TJP3: variants seen among roughly 807,000 people sequenced by gnomAD.
The protein encoded by TJP3 is tight junction protein 3.
A neutral mutation model predicts 104.2 loss-of-function variants in TJP3; 85 were observed. The observed-to-expected ratio is 0.82, with a 90% CI of 0.68 to 0.98. The LOEUF is 0.98. Among genes scored for constraint, TJP3 ranks in the 50% least tolerant of loss-of-function variants. The pLI is 0.00. For missense variants in TJP3, 1,367 were observed against 1,322.8 expected (o/e 1.03, Z -0.52); for synonymous variants, 550 against 550.6 (o/e 1.00, Z 0.02).
chr19:3,717,238 T>G (rs1215239830), intron 1 of TJP3, among the ~76,000 whole-genome samples: 1 of 145,678 alleles, frequency 6.9e-6, no homozygotes, highest in African/African-American at 2.4e-5. Context: ...GTGCTGGGAT[T>G]ACAGGCACGA....
chr19:3,736,230 G>A lies in TJP3; in HGVS notation c.1193G>A (p.Gly398Glu). The A allele has an allele frequency of 6.3e-7, 1 of 1,590,770 alleles. No homozygotes were observed. Among genetic ancestry groups the A allele is most frequent in the Middle Eastern group, 1.7e-4 (1 of 5,972 alleles). The change falls in exon 11 of 21, where the codon GGG becomes GAG. Residue 398 changes from glycine (G) to glutamate (E), a missense_variant. Coordinates refer to ENST00000541714, the MANE Select transcript of TJP3 (RefSeq NM_001267560.2). ...AAGAGCATCGGGCTGCGGCTGGCAG[G>A]GGGCAATGACGTGGGCATCTTCGTG... The part of the protein sequence containing the change: ...KGKSIGLRLA[G>E]GNDVGIFVSG...
At position 3,746,700 on chromosome 19, in the gene TJP3, G is replaced by T. The variant is rs200556939; in HGVS notation, c.2221+5G>T. ...ACAGCAGCCACCTCTTCACAGGTTGGGGGGTGGGTGTCCCAGGGTAGGCGG... is the reference window on the plus strand; with the variant it reads ...ACAGCAGCCACCTCTTCACAGGTTGTGGGGTGGGTGTCCCAGGGTAGGCGG... On this transcript the variant is annotated splice_donor_5th_base_variant and intron_variant, in intron 17 of 20. Transcript: ENST00000541714. The surrounding 1 kb of genome is among the most constrained non-coding windows in gnomAD (Gnocchi z 4.1). 2.5e-6 allele frequency: 4 copies of T among 1,608,848 alleles called. No homozygotes were observed. The highest frequency in any genetic ancestry group is 1.3e-5 in the African/African-American group (1 of 75,004).
At position 3,716,964 on chromosome 19, in the gene TJP3, G is replaced by C. The variant is rs559798989; in HGVS notation, c.-10+8403G>C. Reference sequence around the variant, plus strand: ...CAGGCGGGTGCCAACACGCCCAGGTGACTTTTTTTTTTTTTTTTGAGACGG... The same window carrying C: ...CAGGCGGGTGCCAACACGCCCAGGTCACTTTTTTTTTTTTTTTTGAGACGG... On this transcript the variant is annotated intron_variant, in intron 1 of 20. Coordinates refer to ENST00000541714, the MANE Select transcript of TJP3 (RefSeq NM_001267560.2). Among the ~76,000 whole-genome samples, 81 of 111,162 alleles carry C rather than the reference G, an allele frequency of 7.3e-4. 3 individuals are homozygous for C. The highest frequency in any genetic ancestry group is 2.2e-3 in the African/African-American group (75 of 34,438). The allele number at this position is 111,162 out of a possible 152,430, so 72.9% of individuals were successfully genotyped here.
chr19:3,730,171 C>T lies in TJP3; in HGVS notation c.261+41C>T, dbSNP rs45580639. On this transcript the variant is annotated intron_variant, in intron 4 of 20. Coordinates refer to ENST00000541714, the MANE Select transcript of TJP3 (RefSeq NM_001267560.2). The surrounding 1 kb of genome is among the most constrained non-coding windows in gnomAD (Gnocchi z 7.3). ...CTGGCATGGCCAGCATCTCTGACCC[C>T]AGCCTGGGTCGTGCCGCTGTGGGGG... 0.067 allele frequency: 106,523 copies of T among 1,589,382 alleles called. 3,835 individuals carry two copies. The highest frequency in any genetic ancestry group is 0.087 in the Middle Eastern group (520 of 6,010).
chr19:3,735,985 G>T, intron 10 of TJP3, 50 bp downstream of exon 10: 1 of 1,608,260 alleles, frequency 6.2e-7, no homozygotes. Flanking sequence ...TACATCCCAG[G>T]CTGCCTCCCT....
At chr19:3,727,615 G>GACAAACAGCGCCT (rs2036614214) in intron 1 of TJP3, among the ~76,000 whole-genome samples, 1 of 152,084 alleles carries the variant, frequency 6.6e-6, no homozygotes, top group Non-Finnish European at 1.5e-5. Context: ...GCTGTTCTAG[G>GACAAACAGCGCCT]CAGGGAACTG....
intron 1 of TJP3, among the ~76,000 whole-genome samples, chr19:3,710,618 G>T (rs1472375508): frequency 6.6e-6 from 1 of 152,206 alleles, no homozygotes; most frequent in Non-Finnish European, 1.5e-5. Context: ...GTTTGCTCAG[G>T]GTGGAACCTG....
At chr19:3,718,124 T>TGAACCCG (rs1323880358) in intron 1 of TJP3, among the ~76,000 whole-genome samples, 2 of 137,004 alleles carry the variant, frequency 1.5e-5, no homozygotes, top group African/African-American at 5.6e-5. Flanking sequence ...GAGAATGGCG[T>TGAACCCG]GAACCCGGGA....
At chr19:3,736,389 C>G in intron 11 of TJP3, 68 bp downstream of exon 11, 1 of 1,403,440 alleles carries the variant, frequency 7.1e-7, no homozygotes, top group South Asian at 1.7e-5. Context: ...CTGCCCTTGT[C>G]TGTTCCAGTC....
chr19:3,739,649 A>G (rs2145695267), intron 13 of TJP3, among the ~76,000 whole-genome samples: 1 of 152,324 alleles, frequency 6.6e-6, no homozygotes, highest in Non-Finnish European at 1.5e-5. Flanking sequence ...TTTAAACAAC[A>G]CACACATCCT....
Position 3,746,715 on chromosome 19 carries a change from A to AGGGTAGGCGGGT in TJP3, c.2221+24_2221+35dup. 1.2e-6 allele frequency: 2 copies of AGGGTAGGCGGGT among 1,604,308 alleles called. No individual in the cohort carries two copies. The highest frequency in any genetic ancestry group is 2.2e-5 in the South Asian group (2 of 89,896). On this transcript the variant is annotated intron_variant, in intron 17 of 20. Transcript: ENST00000541714. The surrounding 1 kb of genome is among the most constrained non-coding windows in gnomAD (Gnocchi z 4.1). ...TCACAGGTTGGGGGGTGGGTGTCCC[A>AGGGTAGGCGGGT]GGGTAGGCGGGTGGGCCCCAGCCTG...
chr19:3,717,560 T>C lies in TJP3; in HGVS notation c.-10+8999T>C, dbSNP rs375715612. Among the ~76,000 whole-genome samples the C allele has an allele frequency of 5.9e-5, 9 of 151,638 alleles. No individual in the cohort carries two copies. In the East Asian group the frequency reaches 9.7e-4, roughly 16 times the overall value. On this transcript the variant is annotated intron_variant, in intron 1 of 20. Transcript: ENST00000541714. ...AAGTGATTCTCTTGCCTCAGCCTCC[T>C]GAGTAGCTGGGATTACAGGCGCCTG...
Position 3,746,923 on chromosome 19 carries a change from C to A in TJP3, c.2322+47C>A. Reference sequence around the variant, plus strand: ...GTCGGGCAGGGAGGCCCCACAGACGCTGTGCAGGCCCAGCTGGGGTTTGGG... The same window carrying A: ...GTCGGGCAGGGAGGCCCCACAGACGATGTGCAGGCCCAGCTGGGGTTTGGG... On this transcript the variant is annotated intron_variant, in intron 18 of 20. Coordinates refer to ENST00000541714, the MANE Select transcript of TJP3 (RefSeq NM_001267560.2). The surrounding 1 kb of genome is among the most constrained non-coding windows in gnomAD (Gnocchi z 4.1). The A allele has an allele frequency of 1.3e-6, 2 of 1,531,894 alleles. No individual in the cohort carries two copies. The highest frequency in any genetic ancestry group is 1.8e-6 in the Non-Finnish European group (2 of 1,128,290). The allele number at this position is 1,531,894 out of a possible 1,614,324, so 94.9% of individuals were successfully genotyped here. A position where few individuals can be genotyped will look rare whatever the true frequency, so the allele number is the denominator to read the frequency against.
chr19:3,744,639 G>A (rs975031246), intron 15 of TJP3, among the ~76,000 whole-genome samples: 1 of 149,794 alleles, frequency 6.7e-6, no homozygotes, highest in East Asian at 2.0e-4. Context: ...ACTCCAGCCT[G>A]ACGACGGAAT....
At chr19:3,744,106 G>T (rs75079125) in intron 15 of TJP3, 72 bp downstream of exon 15, 6 of 1,417,456 alleles carry the variant, frequency 4.2e-6, no homozygotes, top group African/African-American at 1.4e-5. Context: ...GGGGGGTCGG[G>T]GGAGAGTTAG....
intron 19 of TJP3, among the ~76,000 whole-genome samples, chr19:3,749,054 T>C (rs1433846495): frequency 6.6e-6 from 1 of 150,932 alleles, no homozygotes; most frequent in Admixed American, 6.6e-5. Flanking sequence ...GTATTCTTAG[T>C]AGAGACAGGG....
In TJP3 at chr19:3,750,748, C is replaced by T; in HGVS notation, c.*64C>T. On this transcript the variant is annotated 3_prime_UTR_variant, in exon 21 of 21. Coordinates refer to ENST00000541714, the MANE Select transcript of TJP3 (RefSeq NM_001267560.2). ...CTCCCTGGGGCTGGGACTCAGTTTC[C>T]CATACAGAACCCACAACCTTACCTC... 3 of 1,377,144 alleles carry T rather than the reference C, an allele frequency of 2.2e-6. No individual in the cohort carries two copies. The highest frequency in any genetic ancestry group is 1.2e-5 in the South Asian group (1 of 80,680). The allele number at this position is 1,377,144 out of a possible 1,614,324, so 85.3% of individuals were successfully genotyped here.
At chr19:3,732,881 G>C (rs2036690153) in intron 6 of TJP3, among the ~76,000 whole-genome samples, 1 of 151,820 alleles carries the variant, frequency 6.6e-6, no homozygotes, top group African/African-American at 2.4e-5. Flanking sequence ...CCGACCTCAG[G>C]TGATCCATCC....
chr19:3,746,989 G>A lies in TJP3; in HGVS notation c.2322+113G>A, dbSNP rs767697741. On this transcript the variant is annotated intron_variant, in intron 18 of 20. Transcript: ENST00000541714. This position sits in a 1 kb window ranked among gnomAD's most constrained non-coding sequence, Gnocchi z 4.1. ...TAGGGCTTGGTCAGGGATCAGGACT[G>A]TGGCCAGAGTCAAGATGGGACCTGA... is the stretch of plus-strand genomic sequence containing the variant. 1.3e-5 allele frequency: 13 copies of A among 1,017,162 alleles called. No individual in the cohort carries two copies. The highest frequency in any genetic ancestry group is 1.8e-5 in the Non-Finnish European group (12 of 682,008). The allele number at this position is 1,017,162 out of a possible 1,614,324, so 63.0% of individuals were successfully genotyped here.
Sources: gnomAD v4.1 joint callset for allele counts (sites outside exome capture counted in the v4.1 genomes callset) on GRCh38, gnomAD v4.1.1 for gene constraint, Gnocchi (gnomAD v3.1) non-coding constraint, MANE v1.5 for transcripts, NCBI Gene and HGNC (gene_info 2026-07-23, HGNC 2026-07-21) for gene names.